Variants in CCDC7 observed in about 807,000 individuals in gnomAD.
The protein encoded by CCDC7 is coiled-coil domain containing 7.
A neutral mutation model predicts 196.9 loss-of-function variants in CCDC7; 183 were observed. That is an observed-to-expected ratio of 0.93 (90% CI 0.82 to 1.05). CCDC7 has a LOEUF of 1.05. Among genes scored for constraint, CCDC7 ranks in the 50% least tolerant of loss-of-function variants. The pLI is 0.00. For missense variants in CCDC7, 1,540 were observed against 1,482.2 expected, an observed-to-expected ratio of 1.04 and a Z score of -0.64; for synonymous variants, 525 against 484.6, an observed-to-expected ratio of 1.08 and a Z score of -1.10.
intron 21 of CCDC7, among the ~76,000 whole-genome samples, chr10:32,665,046 A>G (rs1281262426): frequency 6.6e-6 from 1 of 151,946 alleles, no homozygotes; most frequent in African/African-American, 2.4e-5. Flanking sequence ...TTTAATTTGC[A>G]TGTCCCTGAT....
chr10:32,836,458 A>C (rs2092608736), intron 33 of CCDC7, among the ~76,000 whole-genome samples: 1 of 152,172 alleles, frequency 6.6e-6, no homozygotes, highest in Admixed American at 6.6e-5. Flanking sequence ...GAATCACCAC[A>C]CTGACTTCCA....
At chr10:32,474,688 A>G (rs537379598) in intron 8 of CCDC7, among the ~76,000 whole-genome samples, 2 of 152,356 alleles carry the variant, frequency 1.3e-5, no homozygotes, top group African/African-American at 4.8e-5. Context: ...AATTATATCC[A>G]CAAATGCTTT....
At chr10:32,518,457 A>G (rs1564528460) in exon 11 of CCDC7, 2 of 1,607,422 alleles carry the variant, frequency 1.2e-6, no homozygotes, top group Non-Finnish European at 1.7e-6. Context: ...TGTTATCAGA[A>G]GAGAAGTTGG....
At chr10:32,670,437 A>T (rs886142716) in intron 21 of CCDC7, among the ~76,000 whole-genome samples, 1 of 151,618 alleles carries the variant, frequency 6.6e-6, no homozygotes, top group Admixed American at 6.6e-5. Flanking sequence ...CATGTGCACA[A>T]TGTGCAGGTT....
At chr10:32,797,509 A>G (rs1271246101) in intron 29 of CCDC7, among the ~76,000 whole-genome samples, 1 of 152,042 alleles carries the variant, frequency 6.6e-6, no homozygotes, top group Admixed American at 6.6e-5. Context: ...TTGGGGACTC[A>G]AAAGCAAAGG....
intron 30 of CCDC7, among the ~76,000 whole-genome samples, chr10:32,808,654 C>T (rs1376122997): frequency 2.6e-5 from 3 of 115,038 alleles, no homozygotes; most frequent in African/African-American, 7.9e-5. Context: ...TCACATATAT[C>T]ACCTAGGGGC....
At chr10:32,456,196 G>T in intron 2 of CCDC7, 55 bp from the exon 4 acceptor site, 1 of 1,369,384 alleles carries the variant, frequency 7.3e-7, no homozygotes, top group South Asian at 2.1e-5. Context: ...GAAAAAGACA[G>T]ACATGCATAT....
At chr10:32,512,405 C>T (rs2046354385) in intron 9 of CCDC7, 2 of 152,154 alleles carry the variant, frequency 1.3e-5, no homozygotes, top group African/African-American at 4.8e-5. Flanking sequence ...GTGCATGCAT[C>T]ACAAATAGTC....
intron 24 of CCDC7, among the ~76,000 whole-genome samples, chr10:32,702,493 T>G (rs944788690): frequency 2.0e-5 from 3 of 152,210 alleles, no homozygotes; most frequent in Non-Finnish European, 2.9e-5. Flanking sequence ...GAATGTATAT[T>G]CTGTTGATTT....
intron 23 of CCDC7, among the ~76,000 whole-genome samples, 191 bp downstream of exon 24, chr10:32,689,354 C>T (rs2076814327): frequency 6.6e-6 from 1 of 152,038 alleles, no homozygotes; most frequent in Admixed American, 6.6e-5. Flanking sequence ...ATTTCATGAC[C>T]ACAGGACACA....
rs545312061 is a variant in CCDC7, at chr10:32,594,019, C to A, written c.1801+9715C>A. ...CTTTGTTCTTTTGGCTTAGGATTGT[C>A]TTGGCAATGCAGGCTCTTTTTTGGT... On this transcript the variant is annotated intron_variant, in intron 18 of 41. Transcript: ENST00000639629. Among the ~76,000 whole-genome samples, 10 of 152,266 alleles carry A rather than the reference C, an allele frequency of 6.6e-5. 1 individual carries two copies. The South Asian group carries it at 2.1e-3, about 32-fold the overall frequency.
rs914560668 is a variant in CCDC7, at chr10:32,695,052, T to A, written c.2458+60T>A. The A allele has an allele frequency of 1.1e-5, 10 of 896,914 alleles. No homozygotes were observed. In the African/African-American group the frequency reaches 1.7e-4, roughly 15 times the overall value. 55.6% of individuals were successfully genotyped at this position (896,914 alleles called of 1,614,324 possible). On this transcript the variant is annotated intron_variant, in intron 24 of 41. Transcript: ENST00000639629. ...TAAAGTTAATCTCATTAGATCATTT[T>A]TCTTTGGTTCATGACTATGTAGTTG...
chr10:32,656,468 T>A (rs1591198088), intron 20 of CCDC7, among the ~76,000 whole-genome samples: 1 of 152,270 alleles, frequency 6.6e-6, no homozygotes, highest in East Asian at 1.9e-4. Flanking sequence ...CTTACAATCA[T>A]GGCAGAAGGG....
chr10:32,775,941 C>A (rs2079952422), intron 28 of CCDC7, among the ~76,000 whole-genome samples: 2 of 149,746 alleles, frequency 1.3e-5, no homozygotes, highest in Non-Finnish European at 3.0e-5. Context: ...CCATGGAATA[C>A]TATGCAGCCA....
intron 41 of CCDC7, among the ~76,000 whole-genome samples, chr10:32,858,990 T>A (rs1159618301): frequency 6.6e-6 from 1 of 152,102 alleles, no homozygotes; most frequent in African/African-American, 2.4e-5. Flanking sequence ...CAACCCCGTG[T>A]CAATATTAGA....
chr10:32,614,959 CA>C (rs897202680), intron 18 of CCDC7, among the ~76,000 whole-genome samples: 14 of 152,112 alleles, frequency 9.2e-5, no homozygotes, highest in Non-Finnish European at 1.8e-4. Context: ...CATGTTGCTG[CA>C]AAAAACATGA....
At chr10:32,563,537 T>C (rs1313348040) in intron 13 of CCDC7, among the ~76,000 whole-genome samples, 5 of 151,830 alleles carry the variant, frequency 3.3e-5, no homozygotes, top group African/African-American at 4.8e-5. Flanking sequence ...CTGAGAAAAA[T>C]AAGCAATGGG....
chr10:32,505,300 G>A (rs140207373), intron 9 of CCDC7, among the ~76,000 whole-genome samples: 6,844 of 151,978 alleles, frequency 0.045, 518 homozygotes, highest in African/African-American at 0.16. Flanking sequence ...CGTGAACAAA[G>A]GTCTCTGGTT....
At chr10:32,602,578 T>C (rs1349866113) in intron 18 of CCDC7, among the ~76,000 whole-genome samples, 3 of 152,326 alleles carry the variant, frequency 2.0e-5, no homozygotes, top group African/African-American at 7.2e-5. Flanking sequence ...TTTTTCCACC[T>C]ATGCTTAATT....
Sources: allele counts gnomAD v4.1 joint callset (sites outside exome capture counted in the v4.1 genomes callset), GRCh38; gene constraint gnomAD v4.1.1; transcripts MANE v1.5; gene names NCBI Gene and HGNC (gene_info 2026-07-23, HGNC 2026-07-21).